DNAI2: variants seen among roughly 807,000 people sequenced by gnomAD.
DNAI2 encodes the protein dynein axonemal intermediate chain 2.
Under a neutral mutation model 74.7 loss-of-function variants are expected in DNAI2, and 63 were observed. That is an observed-to-expected ratio of 0.84 (90% CI 0.69 to 1.04). The LOEUF (loss-of-function observed/expected upper bound fraction) is 1.04, where lower values mean the gene tolerates loss of function less well. DNAI2 is among the 50% of genes least tolerant of loss of function. The probability of loss-of-function intolerance (pLI) is 0.00; values close to 1 mark genes in which losing one functional copy is unlikely to be tolerated. For missense variants in DNAI2, 688 were observed against 803.2 expected, an observed-to-expected ratio of 0.86 and a Z score of 1.73; for synonymous variants, 289 against 314.9, an observed-to-expected ratio of 0.92 and a Z score of 0.87.
chr17:74,286,959 C>T lies in DNAI2; in HGVS notation c.346-18C>T, dbSNP rs1403334853. The T allele has an allele frequency of 6.2e-7, 1 of 1,613,692 alleles. No homozygotes were observed. Among genetic ancestry groups the T allele is most frequent in the Non-Finnish European group, 8.5e-7 (1 of 1,179,716 alleles). On this transcript the variant is annotated intron_variant, in intron 3 of 13. Coordinates refer to ENST00000311014, the MANE Select transcript of DNAI2 (RefSeq NM_023036.6). ...GACCTCCATTTACTGCGGAGAACTT[C>T]CAATGTGTCCCCCCTAGATCATGGA...
At chr17:74,301,610 A>G (rs1188915125) in intron 8 of DNAI2, among the ~76,000 whole-genome samples, 1 of 151,226 alleles carries the variant, frequency 6.6e-6, no homozygotes, top group African/African-American at 2.4e-5. Context: ...AATGAGGTCA[A>G]AGCAGGCTCC....
At chr17:74,296,283 T>C (rs1176224733) in intron 6 of DNAI2, among the ~76,000 whole-genome samples, 1 of 142,828 alleles carries the variant, frequency 7.0e-6, no homozygotes, top group Non-Finnish European at 1.5e-5. Context: ...GAAACTAGCC[T>C]GTGCAGCATA....
rs146573973 is a variant in DNAI2 at position 74,300,815 on chromosome 17, C to A, written c.865-231C>A. On this transcript the variant is annotated intron_variant, in intron 7 of 13. Coordinates refer to ENST00000311014, the MANE Select transcript of DNAI2 (RefSeq NM_023036.6). This position sits in a 1 kb window ranked among gnomAD's most constrained non-coding sequence, Gnocchi z 4.5. The stretch of plus-strand genomic sequence containing the variant: ...TGATTCAGTAGGTCGAGGGCGAGGC[C>A]TCAGCATCTGGGTTGTATGAAGCTT... 4.1e-3 allele frequency among the ~76,000 whole-genome samples: 630 copies of A among 152,312 alleles called. 5 individuals are homozygous for A. Among genetic ancestry groups the A allele is most frequent in the African/African-American group, 0.014 (601 of 41,558 alleles).
intron 5 of DNAI2, 147 bp downstream of exon 5, chr17:74,289,883 C>A: frequency 1.1e-6 from 1 of 940,888 alleles, no homozygotes; most frequent in Non-Finnish European, 1.6e-6. Flanking sequence ...GAGGAACACA[C>A]TCTTCTCCTT....
At chr17:74,301,231 G>C in intron 8 of DNAI2, 63 bp downstream of exon 8, 4 of 1,606,386 alleles carry the variant, frequency 2.5e-6, no homozygotes, top group Non-Finnish European at 3.4e-6. Context: ...GCTAAAGACA[G>C]GCCATTGCTA....
chr17:74,290,938 C>G (rs2052051397), intron 5 of DNAI2, 82 bp from the exon 6 acceptor site: 1 of 1,228,008 alleles, frequency 8.1e-7, no homozygotes, highest in Non-Finnish European at 1.2e-6. Context: ...CCCCCGCTAC[C>G]CACCCGCAGA....
At chr17:74,284,095 G>A (rs996343601) in intron 2 of DNAI2, among the ~76,000 whole-genome samples, 8 of 147,274 alleles carry the variant, frequency 5.4e-5, no homozygotes, top group Non-Finnish European at 1.2e-4. Context: ...CCGAGATTCC[G>A]CCATTGCATT....
At position 74,300,983 on chromosome 17, in the gene DNAI2, G is replaced by T. The variant is rs1409016486; in HGVS notation, c.865-63G>T. ...CCCAGGACGGTGGGGTGAGGGCGGA[G>T]AAGGCAAAAGCCAGGGGAAATACAG... On this transcript the variant is annotated intron_variant, in intron 7 of 13. Transcript: ENST00000311014. The surrounding 1 kb of genome is among the most constrained non-coding windows in gnomAD (Gnocchi z 4.5). 1.2e-5 allele frequency: 20 copies of T among 1,606,388 alleles called. No homozygotes were observed. Among genetic ancestry groups the T allele is most frequent in the Non-Finnish European group, 1.7e-5 (20 of 1,176,666 alleles).
At chr17:74,279,162 G>A (rs910413377) in intron 1 of DNAI2, among the ~76,000 whole-genome samples, 17 of 152,180 alleles carry the variant, frequency 1.1e-4, no homozygotes, top group Admixed American at 2.6e-4. Flanking sequence ...GGGAGACTCC[G>A]TCTCAAAATA....
intron 1 of DNAI2, among the ~76,000 whole-genome samples, chr17:74,278,770 T>C (rs980843383): frequency 2.0e-5 from 3 of 151,098 alleles, no homozygotes; most frequent in Admixed American, 6.6e-5. Context: ...TGAGATTCCA[T>C]CTCAAAAAAA....
chr17:74,281,784 C>G, intron 1 of DNAI2, 23 bp from the exon 2 acceptor site: 1 of 1,611,500 alleles, frequency 6.2e-7, no homozygotes, highest in Non-Finnish European at 8.5e-7. Flanking sequence ...TCCCTCACCC[C>G]ACACCCTCCC....
At chr17:74,311,284 C>T (rs2053506474) in intron 11 of DNAI2, among the ~76,000 whole-genome samples, 1 of 152,222 alleles carries the variant, frequency 6.6e-6, no homozygotes. Flanking sequence ...GCAGGCAACC[C>T]CCCAGAACCA....
intron 8 of DNAI2, 59 bp downstream of exon 8, chr17:74,301,227 G>C: frequency 6.2e-7 from 1 of 1,607,970 alleles, no homozygotes; most frequent in Non-Finnish European, 8.5e-7. Flanking sequence ...CAGGGCTAAA[G>C]ACAGGCCATT....
rs117580787 is a variant in DNAI2 at position 74,307,220 on chromosome 17, A to G, written c.1211+1778A>G. The G allele has an allele frequency of 1.2e-3, 537 of 456,076 alleles. 3 individuals carry two copies. The East Asian group carries it at 0.013, about 11-fold the overall frequency. The allele number at this position is 456,076 out of a possible 1,614,324, so 28.3% of individuals were successfully genotyped here. A position where few individuals can be genotyped will look rare whatever the true frequency, so the allele number is the denominator to read the frequency against. ...ATGTCTTCAGGTCCTGCAGGCTGCC[A>G]GGGCTGTGTGAAAGGAGCAGGGTGT... On this transcript the variant is annotated intron_variant, in intron 9 of 13. Transcript: ENST00000311014.
rs752440806 is a variant in DNAI2 at position 74,281,948 on chromosome 17, G to A, written c.131G>A (p.Arg44Gln). ...GAGCTGGCCGAGCAGTTCGTGGAGC[G>A]GAACCCAGTGGACACGGGCATCCAG... ...NPELAEQFVE[R>Q]NPVDTGIQCS... Residue 44 changes from arginine (R) to glutamine (Q), a missense_variant, in exon 2 of 14, where the codon CGG (arginine) becomes CAG (glutamine). By Grantham distance (43) the Arg-to-Gln change is conservative. Coordinates refer to ENST00000311014, the MANE Select transcript of DNAI2 (RefSeq NM_023036.6). The A allele has an allele frequency of 2.5e-6, 4 of 1,614,134 alleles. No homozygotes were observed. Among genetic ancestry groups the A allele is most frequent in the Middle Eastern group, 1.6e-4 (1 of 6,062 alleles).
chr17:74,288,572 C>T (rs894504196), intron 4 of DNAI2, among the ~76,000 whole-genome samples: 3 of 152,154 alleles, frequency 2.0e-5, no homozygotes, highest in African/African-American at 7.2e-5. Context: ...TTTGAAGCCA[C>T]GCAGTTTGTG....
Position 74,314,174 on chromosome 17 carries a change from G to A in DNAI2, c.1776G>A (p.Ala592=), listed in dbSNP as rs200861036. Residue 592 remains alanine (A), a synonymous_variant, in exon 13 of 14, where the codon GCG becomes GCA. Transcript: ENST00000311014. ...TGGTGGAGGAGGGAGAGGAAGCAGC[G>A]GGGGAAGAAGGGGATGAAGAAGTGG... ...DQVVEEGEEA[A]GEEGDEEVEE... is the part of the protein sequence containing the mutation. 1.5e-4 allele frequency: 242 copies of A among 1,614,198 alleles called. 1 individual carries two copies. Among genetic ancestry groups the A allele is most frequent in the Non-Finnish European group, 1.8e-4 (218 of 1,180,006 alleles).
chr17:74,313,949 C>T, intron 12 of DNAI2, 172 bp from the exon 13 acceptor site: 1 of 971,428 alleles, frequency 1.0e-6, no homozygotes, highest in South Asian at 1.5e-5. Context: ...CCACTTTCCG[C>T]ACTGTCTGGG....
intron 1 of DNAI2, among the ~76,000 whole-genome samples, chr17:74,280,157 G>T (rs1218101443): frequency 2.0e-5 from 3 of 152,188 alleles, no homozygotes; most frequent in Non-Finnish European, 4.4e-5. Flanking sequence ...TGTCATGGGG[G>T]AGTCAGAAAG....
Sources: allele counts gnomAD v4.1 joint callset (sites outside exome capture counted in the v4.1 genomes callset), GRCh38; gene constraint gnomAD v4.1.1; non-coding constraint Gnocchi (gnomAD v3.1); transcripts MANE v1.5; gene names NCBI Gene and HGNC (gene_info 2026-07-23, HGNC 2026-07-21).